The following TRAPPC9 variants were observed in gnomAD, a reference collection of about 807,000 sequenced individuals.
TRAPPC9 encodes the protein trafficking protein particle complex subunit 9.
Under a neutral mutation model 124.0 loss-of-function variants are expected in TRAPPC9, and 83 were observed. The observed-to-expected ratio is 0.67, with a 90% CI of 0.56 to 0.80. The LOEUF (loss-of-function observed/expected upper bound fraction) is 0.80, where lower values mean the gene tolerates loss of function less well. Among genes scored for constraint, TRAPPC9 ranks in the 30% least tolerant of loss-of-function variants. The probability of loss-of-function intolerance (pLI) is 0.00; values close to 1 mark genes in which losing one functional copy is unlikely to be tolerated. For synonymous variants in TRAPPC9, 638 were observed against 617.5 expected, an observed-to-expected ratio of 1.03 and a Z score of -0.49; for missense variants, 1,302 against 1,508.3, an observed-to-expected ratio of 0.86 and a Z score of 2.27.
chr8:139,851,532 G>A (rs1270273345), intron 21 of TRAPPC9, among the ~76,000 whole-genome samples: 1 of 152,116 alleles, frequency 6.6e-6, no homozygotes, highest in Non-Finnish European at 1.5e-5. Flanking sequence ...GGGATGAACG[G>A]TCAAATCATC....
intron 15 of TRAPPC9, among the ~76,000 whole-genome samples, chr8:140,272,308 T>A (rs2064955743): frequency 6.9e-6 from 1 of 144,950 alleles, no homozygotes; most frequent in South Asian, 2.2e-4. Flanking sequence ...CAGTGGTGGT[T>A]GTGGTGGTTA....
intron 9 of TRAPPC9, among the ~76,000 whole-genome samples, chr8:140,327,847 A>G (rs570672408): frequency 2.2e-4 from 34 of 152,352 alleles, no homozygotes; most frequent in Middle Eastern, 3.4e-3. Context: ...TGATGGTTGC[A>G]TCACACTGTG....
At chr8:140,214,935 T>A (rs973059912) in intron 17 of TRAPPC9, among the ~76,000 whole-genome samples, 1 of 152,214 alleles carries the variant, frequency 6.6e-6, no homozygotes, top group South Asian at 2.1e-4. Flanking sequence ...GATAGTTTTA[T>A]AGGTTTAGCA....
At position 140,072,014 on chromosome 8, in the gene TRAPPC9, A is replaced by G. The variant is rs530439178; in HGVS notation, c.2557-47935T>C. Among the ~76,000 whole-genome samples, 7 of 152,312 alleles carry G rather than the reference A, an allele frequency of 4.6e-5. No homozygotes were observed. The South Asian group carries it at 1.5e-3, about 32-fold the overall frequency. On this transcript the variant is annotated intron_variant, in intron 17 of 22. Transcript: ENST00000438773. ...CGCAGAAAAAGCACCTAACAAAACT[A>G]TAAGGCATAAAACAGAGCAGCAGCT...
Position 140,291,053 on chromosome 8 carries a change from C to A in TRAPPC9, c.1794G>T (p.Val598=). The change falls in exon 12 of 23, where the codon GTG becomes GTT. Residue 598 remains valine (V), a synonymous_variant. Transcript: ENST00000438773. ...TATATACCATCAGCTGAACTTCACA[C>A]ACATCTCCTTGAACCCACTGGAAAT... ...KIDFQWVQGD[V]CEVQLMVYNP... 4.3e-6 allele frequency: 7 copies of A among 1,614,216 alleles called. No individual in the cohort carries two copies. The highest frequency in any genetic ancestry group is 5.9e-6 in the Non-Finnish European group (7 of 1,180,024).
chr8:139,997,570 A>AG (rs1269368049), intron 18 of TRAPPC9, among the ~76,000 whole-genome samples: 2 of 140,688 alleles, frequency 1.4e-5, no homozygotes, highest in African/African-American at 5.9e-5. Flanking sequence ...TACCCAGGGG[A>AG]ACAATGCATC....
At chr8:139,987,228 G>A (rs1178941279) in intron 19 of TRAPPC9, among the ~76,000 whole-genome samples, 5 of 152,196 alleles carry the variant, frequency 3.3e-5, no homozygotes, top group Non-Finnish European at 7.3e-5. Context: ...GTCTTCTTGT[G>A]ACCATATGTT....
chr8:140,297,043 G>A lies in TRAPPC9; in HGVS notation c.1768+3426C>T, dbSNP rs544698424. Reference sequence around the variant, plus strand: ...ACGCCCTCCAGAGAGGAAAGGTGGAGTTCCCACAGGAGGCCAGGAAACGAC... The same window carrying A: ...ACGCCCTCCAGAGAGGAAAGGTGGAATTCCCACAGGAGGCCAGGAAACGAC... On this transcript the variant is annotated intron_variant, in intron 11 of 22. Transcript: ENST00000438773. Among the ~76,000 whole-genome samples the A allele has an allele frequency of 2.6e-5, 4 of 152,338 alleles. No individual in the cohort carries two copies. In the East Asian group the frequency reaches 5.8e-4, roughly 22 times the overall value.
At chr8:139,892,744 G>A (rs1430708990) in intron 20 of TRAPPC9, among the ~76,000 whole-genome samples, 1 of 152,122 alleles carries the variant, frequency 6.6e-6, no homozygotes, top group African/African-American at 2.4e-5. Context: ...CAGCAGCTTG[G>A]GTACTCCTCC....
At position 139,780,881 on chromosome 8, in the gene TRAPPC9, A is replaced by G. The variant is rs568463547; in HGVS notation, c.3056-48679T>C. Among the ~76,000 whole-genome samples the G allele has an allele frequency of 2.0e-5, 3 of 152,328 alleles. No homozygotes were observed. In the South Asian group the frequency reaches 6.2e-4, roughly 32 times the overall value. ...CAAAGAGGTGAACAGACATTTCAAC[A>G]AAAAAGAGGGAAAAAAAGGCAAATA... is the stretch of plus-strand genomic sequence containing the variant. On this transcript the variant is annotated intron_variant, in intron 21 of 22. Coordinates refer to ENST00000438773, the MANE Select transcript of TRAPPC9 (RefSeq NM_001160372.4).
chr8:140,141,662 T>C (rs2061383610), intron 17 of TRAPPC9, among the ~76,000 whole-genome samples: 1 of 152,328 alleles, frequency 6.6e-6, no homozygotes, highest in Admixed American at 6.5e-5. Flanking sequence ...AAAGAGATAC[T>C]TTGATTTTTA....
chr8:140,380,705 A>G (rs1467509098), intron 7 of TRAPPC9, among the ~76,000 whole-genome samples: 1 of 151,480 alleles, frequency 6.6e-6, no homozygotes, highest in Non-Finnish European at 1.5e-5. Context: ...CCTAACTCAC[A>G]TGATGAACAA....
chr8:140,262,981 C>T (rs1359525389), intron 15 of TRAPPC9, among the ~76,000 whole-genome samples: 2 of 152,166 alleles, frequency 1.3e-5, no homozygotes, highest in Non-Finnish European at 2.9e-5. Context: ...GTTCCAAATA[C>T]ATAAAAGTGT....
At chr8:140,114,966 G>A (rs548131036) in intron 17 of TRAPPC9, among the ~76,000 whole-genome samples, 5 of 152,184 alleles carry the variant, frequency 3.3e-5, no homozygotes, top group Non-Finnish European at 5.9e-5. Context: ...CTAGACCATG[G>A]AAGGAGAGAG....
intron 7 of TRAPPC9, among the ~76,000 whole-genome samples, chr8:140,396,059 CT>C (rs955307853): frequency 6.6e-6 from 1 of 151,774 alleles, no homozygotes; most frequent in African/African-American, 2.4e-5. Context: ...CCAAGGGCCT[CT>C]GCAATGGGCC....
At chr8:140,112,291 T>C (rs112081314) in intron 17 of TRAPPC9, among the ~76,000 whole-genome samples, 52 of 112,790 alleles carry the variant, frequency 4.6e-4, no homozygotes, top group African/African-American at 8.9e-4. Flanking sequence ...GAATTCCAGA[T>C]GATGGTGGGA....
chr8:140,162,849 AGG>A (rs2061774080), intron 17 of TRAPPC9, among the ~76,000 whole-genome samples: 2 of 152,072 alleles, frequency 1.3e-5, no homozygotes, highest in Admixed American at 6.5e-5. Flanking sequence ...TTAATTAGCC[AGG>A]CATGGTGGCA....
chr8:140,410,315 C>A (rs1164248744), intron 5 of TRAPPC9, among the ~76,000 whole-genome samples: 1 of 152,000 alleles, frequency 6.6e-6, no homozygotes, highest in African/African-American at 2.4e-5. Context: ...GCAGACAGAT[C>A]GCCTGAGGCC....
chr8:139,866,417 G>A (rs1458059132), intron 21 of TRAPPC9, among the ~76,000 whole-genome samples: 1 of 152,168 alleles, frequency 6.6e-6, no homozygotes, highest in Non-Finnish European at 1.5e-5. Context: ...CAGGGTAGGA[G>A]GGCATCCACA....
Sources: gnomAD v4.1 joint callset for allele counts (sites outside exome capture counted in the v4.1 genomes callset) on GRCh38, gnomAD v4.1.1 for gene constraint, MANE v1.5 for transcripts, NCBI Gene and HGNC (gene_info 2026-07-23, HGNC 2026-07-21) for gene names.